SPINK1: variants seen among roughly 807,000 people sequenced by gnomAD.
SPINK1 encodes serine protease inhibitor Kazal-type 1.
A neutral mutation model predicts 9.5 loss-of-function variants in SPINK1; 5 were observed. The ratio of observed to expected loss-of-function variants is 0.52; its 90% CI spans 0.27 to 1.10. SPINK1 has a LOEUF of 1.10. Among genes scored for constraint, SPINK1 ranks in the 50% least tolerant of loss-of-function variants. The pLI is 0.11. For missense variants in SPINK1, 88 were observed against 92.7 expected (o/e 0.95, Z 0.21); for synonymous variants, 37 against 32.3 (o/e 1.14, Z -0.49).
intron 2 of SPINK1, 129 bp downstream of exon 2, chr5:147,829,470 C>T (rs924341317): frequency 2.4e-5 from 20 of 842,172 alleles, no homozygotes; most frequent in Middle Eastern, 2.2e-4. Flanking sequence ...GCATTTCTCA[C>T]GTTAACCCTC....
intron 1 of SPINK1, 31 bp from the exon 2 acceptor site, chr5:147,829,661 T>A: frequency 6.2e-6 from 10 of 1,606,300 alleles, no homozygotes; most frequent in Non-Finnish European, 8.5e-6. Flanking sequence ...GTAAGTTGGG[T>A]CCTAAATGAA....
At chr5:147,835,552 A>C (rs1262528451), upstream of SPINK1, among the ~76,000 whole-genome samples, 2 of 152,038 alleles carry the variant, frequency 1.3e-5, no homozygotes, top group African/African-American at 4.8e-5. Context: ...CTCTGAGTAC[A>C]TATTTATGCA....
Position 147,826,105 on chromosome 5 carries a change from C to T in SPINK1, c.195-1399G>A, listed in dbSNP as rs141047933. 3.5e-3 allele frequency among the ~76,000 whole-genome samples: 532 copies of T among 152,138 alleles called. 2 individuals are homozygous for T. The highest frequency in any genetic ancestry group is 5.6e-3 in the Non-Finnish European group (378 of 68,008). On this transcript the variant is annotated intron_variant, in intron 3 of 3. Transcript: ENST00000296695. ...TGCAGGTTTATGGAAAAGAATTTGC[C>T]GGTACAGATTCCCTTTGAAGACGTA... is the stretch of plus-strand genomic sequence containing the variant.
At chr5:147,834,280 C>A (rs1305077900), upstream of SPINK1, among the ~76,000 whole-genome samples, 1 of 151,980 alleles carries the variant, frequency 6.6e-6, no homozygotes, top group Non-Finnish European at 1.5e-5. Flanking sequence ...TTCTGAAGAC[C>A]AAGGTTTATG....
chr5:147,831,441 C>G, intron 1 of SPINK1, 82 bp downstream of exon 1: 1 of 1,553,924 alleles, frequency 6.4e-7, no homozygotes, highest in South Asian at 1.1e-5. Context: ...TAGACTACAT[C>G]AAAAGTCTAG....
rs116310838 is a variant in SPINK1, at chr5:147,826,700, T to C, written c.194+1322A>G. Among the ~76,000 whole-genome samples the C allele has an allele frequency of 3.0e-3, 461 of 152,266 alleles. 2 individuals carry two copies. The highest frequency in any genetic ancestry group is 0.011 in the African/African-American group (450 of 41,554). On this transcript the variant is annotated intron_variant, in intron 3 of 3. Transcript: ENST00000296695. ...TCAAATTCTTTTTACAAGTCTTAAT[T>C]ATGGAAACAGATTTATTACAAAGTA...
chr5:147,835,723 G>C (rs2127142761), upstream of SPINK1, among the ~76,000 whole-genome samples: 1 of 152,236 alleles, frequency 6.6e-6, no homozygotes, highest in South Asian at 2.1e-4. Context: ...GCTGGCACCT[G>C]TTGATTTTCA....
upstream of SPINK1, among the ~76,000 whole-genome samples, chr5:147,834,491 G>C (rs752605801): frequency 1.3e-5 from 2 of 152,040 alleles, no homozygotes; most frequent in Admixed American, 6.6e-5. Flanking sequence ...ATAGATGTTG[G>C]TTGGATCATA....
chr5:147,833,863 A>G (rs1349217511), upstream of SPINK1, among the ~76,000 whole-genome samples: 1 of 152,138 alleles, frequency 6.6e-6, no homozygotes. Flanking sequence ...TTATTCCCCA[A>G]GAGATTCTTC....
At position 147,824,634 on chromosome 5, in the gene SPINK1, C is replaced by A. The variant is rs368871387; in HGVS notation, c.*27G>T. On this transcript the variant is annotated 3_prime_UTR_variant, in exon 4 of 4. Coordinates refer to ENST00000296695, the MANE Select transcript of SPINK1 (RefSeq NM_001379610.1). The stretch of plus-strand genomic sequence containing the variant: ...TAAGGCCAGTCAGGCCTCGCGGTGA[C>A]CTGATGGGATTTCAAAACCTTGGTT... 169 of 1,612,616 alleles carry A rather than the reference C, an allele frequency of 1.0e-4. No homozygotes were observed. In the Middle Eastern group the frequency reaches 2.1e-3, roughly 20 times the overall value.
chr5:147,829,236 T>C (rs41291425), intron 2 of SPINK1, among the ~76,000 whole-genome samples: 562 of 152,302 alleles, frequency 3.7e-3, no homozygotes, highest in Middle Eastern at 0.02. Context: ...ACCTTGGTGA[T>C]TGGGAGAGCT....
rs1261616345 is a variant in SPINK1, at chr5:147,828,026, T to C, written c.190A>G (p.Asn64Asp). Residue 64 changes from asparagine to aspartate, a missense_variant, in exon 3 of 4, where the codon AAT (asparagine) becomes GAT (aspartate). Transcript: ENST00000296695. Reference protein sequence around the residue: ...YPNECVLCFENRKRQTSILIQ... With the variant: ...YPNECVLCFEDRKRQTSILIQ... ...GAAACTCAAGTTTGTACTCACCGATTTTCAAAACATAACACGCATTCATTG... is the reference window on the plus strand; with the variant it reads ...GAAACTCAAGTTTGTACTCACCGATCTTCAAAACATAACACGCATTCATTG... The C allele has an allele frequency of 5.0e-6, 8 of 1,611,984 alleles. No homozygotes were observed. Among genetic ancestry groups the C allele is most frequent in the Non-Finnish European group, 5.9e-6 (7 of 1,178,976 alleles).
At chr5:147,828,175 T>G (rs1294006248) in intron 2 of SPINK1, 47 bp from the exon 3 acceptor site, 1 of 1,433,254 alleles carries the variant, frequency 7.0e-7, no homozygotes, top group Non-Finnish European at 9.8e-7. Flanking sequence ...TCTCCATTCT[T>G]GAGTTCATAG....
the SPINK1 span, among the ~76,000 whole-genome samples, chr5:147,838,348 A>C: frequency 6.6e-6 from 1 of 152,350 alleles, no homozygotes; most frequent in East Asian, 1.9e-4. Context: ...CACATTTCAG[A>C]TAAGGAAATA....
upstream of SPINK1, among the ~76,000 whole-genome samples, chr5:147,832,735 C>T: frequency 6.6e-6 from 1 of 152,112 alleles, no homozygotes; most frequent in Middle Eastern, 3.2e-3. Flanking sequence ...TAATTAAGTC[C>T]CTTTTCTCTG....
At chr5:147,829,713 T>TGAAA in intron 1 of SPINK1, 83 bp from the exon 2 acceptor site, 1 of 1,266,842 alleles carries the variant, frequency 7.9e-7, no homozygotes, top group Non-Finnish European at 1.1e-6. Context: ...CTGCTTTCAT[T>TGAAA]GCAGACTGTG....
chr5:147,833,178 A>C (rs945991046), upstream of SPINK1, among the ~76,000 whole-genome samples: 2 of 152,170 alleles, frequency 1.3e-5, no homozygotes, highest in Non-Finnish European at 2.9e-5. Flanking sequence ...AAAGGTTCTG[A>C]GGCTGACGCT....
At chr5:147,829,467 T>C in intron 2 of SPINK1, 132 bp downstream of exon 2, 1 of 815,988 alleles carries the variant, frequency 1.2e-6, no homozygotes, top group Non-Finnish European at 2.1e-6. Context: ...TTTGCATTTC[T>C]CACGTTAACC....
the SPINK1 span, among the ~76,000 whole-genome samples, chr5:147,837,245 T>C: frequency 6.6e-6 from 1 of 152,196 alleles, no homozygotes; most frequent in African/African-American, 2.4e-5. Flanking sequence ...AAACGTATCA[T>C]GTAGAGAAAA....
Sources: allele counts gnomAD v4.1 joint callset (sites outside exome capture counted in the v4.1 genomes callset), GRCh38; gene constraint gnomAD v4.1.1; transcripts MANE v1.5; gene names NCBI Gene and HGNC (gene_info 2026-07-23, HGNC 2026-07-21).